The following GLIS3 variants were observed in gnomAD, a reference collection of about 807,000 sequenced individuals.
GLIS3 encodes GLIS family zinc finger 3.
GLIS3 carries 53 observed loss-of-function variants against 78.6 expected under a neutral mutation model. The ratio of observed to expected loss-of-function variants is 0.67; its 90% CI spans 0.54 to 0.85. GLIS3 has a LOEUF of 0.85. Ranked by LOEUF, GLIS3 falls within the 40% of genes least tolerant of loss-of-function variation. The probability of loss-of-function intolerance (pLI) is 0.00; values close to 1 mark genes in which losing one functional copy is unlikely to be tolerated. For synonymous variants in GLIS3, 684 were observed against 509.9 expected, an observed-to-expected ratio of 1.34 and a Z score of -4.60; for missense variants, 1,703 against 1,231.1, an observed-to-expected ratio of 1.38 and a Z score of -5.74.
At chr9:4,426,073 T>C in the GLIS3 span, among the ~76,000 whole-genome samples, 167 of 152,238 alleles carry the variant, frequency 1.1e-3, no homozygotes, top group African/African-American at 3.9e-3. Context: ...GGCCCACAAT[T>C]TCCTGAGGTG....
chr9:4,484,264 G>A, the GLIS3 span, among the ~76,000 whole-genome samples: 2 of 146,454 alleles, frequency 1.4e-5, no homozygotes, highest in African/African-American at 2.6e-5. Flanking sequence ...TTGAGACGGA[G>A]TCTCGCTCTG....
At chr9:4,110,814 T>C (rs1363307635) in intron 4 of GLIS3, among the ~76,000 whole-genome samples, 2 of 152,104 alleles carry the variant, frequency 1.3e-5, no homozygotes, top group Non-Finnish European at 2.9e-5. Flanking sequence ...AAAATAAACA[T>C]CTCTTTCCCA....
At position 3,830,261 on chromosome 9, in the gene GLIS3, A is replaced by G. The variant is rs577787893; in HGVS notation, c.2474-769T>C. 3.9e-5 allele frequency among the ~76,000 whole-genome samples: 6 copies of G among 152,152 alleles called. No homozygotes were observed. The East Asian group carries it at 1.2e-3, about 29-fold the overall frequency. On this transcript the variant is annotated intron_variant, in intron 9 of 10. Transcript: ENST00000381971. ...TTGGGGTCCCATGTGGTTCTTCTCT[A>G]TGATCCTCCACTCCTTTCATGATGG... is the stretch of plus-strand genomic sequence containing the variant.
intron 2 of GLIS3, among the ~76,000 whole-genome samples, chr9:4,239,058 G>A (rs1823042421): frequency 1.3e-5 from 2 of 150,978 alleles, no homozygotes; most frequent in Non-Finnish European, 2.9e-5. Context: ...TGGTGTATAT[G>A]TGCCACACTT....
intron 2 of GLIS3, among the ~76,000 whole-genome samples, chr9:4,211,477 T>C (rs552683755): frequency 2.6e-5 from 4 of 152,210 alleles, no homozygotes; most frequent in Non-Finnish European, 5.9e-5. Flanking sequence ...ACTGTGTTAC[T>C]AATTGCCAGC....
At chr9:3,852,709 C>A (rs1188847492) in intron 9 of GLIS3, among the ~76,000 whole-genome samples, 1 of 152,136 alleles carries the variant, frequency 6.6e-6, no homozygotes, top group Non-Finnish European at 1.5e-5. Flanking sequence ...AAGGCTACAT[C>A]TGGATACCTA....
the GLIS3 span, among the ~76,000 whole-genome samples, chr9:4,414,457 G>A: frequency 6.6e-6 from 1 of 152,174 alleles, no homozygotes; most frequent in Non-Finnish European, 1.5e-5. Flanking sequence ...CACCTCGGTT[G>A]AACCTCAGTT....
rs117382779 is a variant in GLIS3 at position 4,341,509 on chromosome 9, T to G, written n.264+5572A>C. Among the ~76,000 whole-genome samples, 181 of 152,294 alleles carry G rather than the reference T, an allele frequency of 1.2e-3. 6 individuals are homozygous for G. The East Asian group carries it at 0.034, about 28-fold the overall frequency. On this transcript the variant is annotated intron_variant and non_coding_transcript_variant, in intron 2 of 4. Transcript: ENST00000471664. ...GATCCTTAATGCTGCCCTATATCATTTTTTCTCCCACTCTCCTCCATGACT... is the reference window on the plus strand; with the variant it reads ...GATCCTTAATGCTGCCCTATATCATGTTTTCTCCCACTCTCCTCCATGACT...
intron 2 of GLIS3, among the ~76,000 whole-genome samples, chr9:4,179,291 G>A (rs546949094): frequency 6.6e-6 from 1 of 152,294 alleles, no homozygotes; most frequent in African/African-American, 2.4e-5. Flanking sequence ...CTGTGTCGAG[G>A]TTTGCCCTGG....
At chr9:4,092,019 G>C (rs532363874) in intron 4 of GLIS3, among the ~76,000 whole-genome samples, 1 of 152,258 alleles carries the variant, frequency 6.6e-6, no homozygotes, top group Non-Finnish European at 1.5e-5. Flanking sequence ...TGAGTGCTGA[G>C]AAACGTGAGA....
intron 1 of GLIS3, among the ~76,000 whole-genome samples, chr9:4,291,969 G>T (rs1816018766): frequency 6.6e-6 from 1 of 152,070 alleles, no homozygotes. Context: ...GAGAGCCATG[G>T]TCCTACCAAA....
chr9:4,381,883 G>A, the GLIS3 span, among the ~76,000 whole-genome samples: 1 of 152,188 alleles, frequency 6.6e-6, no homozygotes, highest in Non-Finnish European at 1.5e-5. Flanking sequence ...CCCCTTCAGT[G>A]ACCCAAGGTT....
At chr9:4,209,114 T>G (rs7034250) in intron 2 of GLIS3, among the ~76,000 whole-genome samples, 1 of 151,916 alleles carries the variant, frequency 6.6e-6, no homozygotes, top group Non-Finnish European at 1.5e-5. Flanking sequence ...AGTCCTAAGA[T>G]TTTCTTCCTG....
At chr9:4,367,108 A>G in the GLIS3 span, among the ~76,000 whole-genome samples, 7 of 152,230 alleles carry the variant, frequency 4.6e-5, no homozygotes, top group African/African-American at 1.4e-4. Context: ...GACAAAAATC[A>G]TATTACTCAA....
chr9:4,048,429 A>C (rs1227871729), intron 4 of GLIS3, among the ~76,000 whole-genome samples: 2 of 152,156 alleles, frequency 1.3e-5, no homozygotes, highest in African/African-American at 2.4e-5. Context: ...ATATGGGGCT[A>C]TCATATAGCC....
At chr9:4,415,868 G>A in the GLIS3 span, among the ~76,000 whole-genome samples, 1 of 151,816 alleles carries the variant, frequency 6.6e-6, no homozygotes, top group Non-Finnish European at 1.5e-5. Context: ...AAACAGTTCA[G>A]AAGGGTATAA....
rs1229227736 is a variant in GLIS3 at position 3,898,816 on chromosome 9, A to G, written c.2003T>C (p.Leu668Pro). The change falls in exon 7 of 11, where the codon CTC becomes CCC. Residue 668 changes from leucine to proline, a missense_variant. Coordinates refer to ENST00000381971, the MANE Select transcript of GLIS3 (RefSeq NM_001042413.2). Reference sequence around the variant, plus strand: ...GCAATCTGTGAGCAGGTCTGGATGGAGCTCTGTGCTGGACCGCAACTAAGA... The same window carrying G: ...GCAATCTGTGAGCAGGTCTGGATGGGGCTCTGTGCTGGACCGCAACTAAGA... ...ARKKLRSSTE[L>P]HPDLLTDCLT... is the part of the protein sequence containing the mutation. 6.2e-7 allele frequency: 1 copy of G among 1,614,118 alleles called. No homozygotes were observed.
chr9:4,384,001 A>C, the GLIS3 span, among the ~76,000 whole-genome samples: 1 of 152,168 alleles, frequency 6.6e-6, no homozygotes, highest in Admixed American at 6.5e-5. Context: ...CCCACTTCTC[A>C]GGGAGTTTGT....
At chr9:4,437,207 T>C in the GLIS3 span, among the ~76,000 whole-genome samples, 10 of 152,178 alleles carry the variant, frequency 6.6e-5, no homozygotes, top group African/African-American at 1.4e-4. Context: ...CAATGAAGAA[T>C]TTGAGATCTT....
Sources: allele counts gnomAD v4.1 joint callset (sites outside exome capture counted in the v4.1 genomes callset), GRCh38; gene constraint gnomAD v4.1.1; transcripts MANE v1.5; gene names NCBI Gene and HGNC (gene_info 2026-07-23, HGNC 2026-07-21).